The following SPOCK1 variants were observed in gnomAD, a reference collection of about 807,000 sequenced individuals.
The protein encoded by SPOCK1 is testican-1.
Under a neutral mutation model 55.3 loss-of-function variants are expected in SPOCK1, and 23 were observed. The ratio of observed to expected loss-of-function variants is 0.42; its 90% CI spans 0.30 to 0.59. The LOEUF is 0.59. Among genes scored for constraint, SPOCK1 ranks in the 20% least tolerant of loss-of-function variants. The pLI, the probability that SPOCK1 is intolerant of heterozygous loss-of-function variation, is 0.22. For synonymous variants in SPOCK1, 226 were observed against 221.0 expected (o/e 1.02, Z -0.20); for missense variants, 499 against 552.5 (o/e 0.90, Z 0.97).
chr5:137,259,688 T>TA (rs61576266), intron 3 of SPOCK1, among the ~76,000 whole-genome samples: 76,344 of 130,016 alleles, frequency 0.59, 21,671 homozygotes, highest in Non-Finnish European at 0.63. Flanking sequence ...CACATGAAAG[T>TA]AAAAAAAAAA....
intron 2 of SPOCK1, among the ~76,000 whole-genome samples, chr5:137,300,690 A>G (rs1757572263): frequency 1.3e-5 from 1 of 74,846 alleles, no homozygotes; most frequent in Non-Finnish European, 2.7e-5. Flanking sequence ...TAGAGTTTAC[A>G]ATGATTTTAG....
intron 8 of SPOCK1, 93 bp from the exon 9 acceptor site, chr5:136,985,295 A>C: frequency 1.7e-6 from 2 of 1,195,362 alleles, no homozygotes; most frequent in Non-Finnish European, 2.5e-6. Flanking sequence ...GTAGACAATG[A>C]CACACCTGGG....
At chr5:137,191,314 G>A (rs1755173766) in intron 3 of SPOCK1, among the ~76,000 whole-genome samples, 1 of 152,040 alleles carries the variant, frequency 6.6e-6, no homozygotes, top group Admixed American at 6.5e-5. Flanking sequence ...TAGTTAATAT[G>A]TATCTAACTA....
chr5:137,435,334 C>A (rs779476316), intron 2 of SPOCK1, among the ~76,000 whole-genome samples: 5 of 152,192 alleles, frequency 3.3e-5, no homozygotes, highest in Non-Finnish European at 2.9e-5. Context: ...ATAAGACCTG[C>A]CAAATTGATT....
At chr5:137,478,069 C>T (rs1215135501) in intron 2 of SPOCK1, among the ~76,000 whole-genome samples, 1 of 152,084 alleles carries the variant, frequency 6.6e-6, no homozygotes, top group East Asian at 1.9e-4. Flanking sequence ...TCAGGTTCCT[C>T]AGGTATATAA....
intron 2 of SPOCK1, among the ~76,000 whole-genome samples, chr5:137,285,875 A>G (rs11743397): frequency 0.12 from 17,584 of 152,128 alleles, 1,303 homozygotes; most frequent in East Asian, 0.24. Context: ...AAGTCAGCAC[A>G]ATTGTTTTTT....
At chr5:137,326,700 T>C (rs1758083403) in intron 2 of SPOCK1, among the ~76,000 whole-genome samples, 1 of 152,332 alleles carries the variant, frequency 6.6e-6, no homozygotes, top group Non-Finnish European at 1.5e-5. Context: ...CAAGATCTTG[T>C]TAAACCTGCC....
chr5:137,498,515 C>A lies in SPOCK1; in HGVS notation c.44G>T (p.Cys15Phe). Residue 15 changes from cysteine (C) to phenylalanine (F), a missense_variant, in exon 2 of 11, where the codon TGC becomes TTC. Transcript: ENST00000394945. ...AVLAAAAAAW[C>F]FLQVESRHLD... Reference sequence around the variant, plus strand: ...GTGCCGGCTCTCGACTTGGAGGAAGCACCACGCCGCGGCGGCCGCCGCCAA... The same window carrying A: ...GTGCCGGCTCTCGACTTGGAGGAAGAACCACGCCGCGGCGGCCGCCGCCAA... The A allele has an allele frequency of 6.4e-7, 1 of 1,562,394 alleles. No individual in the cohort carries two copies.
chr5:137,118,844 G>A (rs139294307), intron 4 of SPOCK1, among the ~76,000 whole-genome samples: 6 of 152,102 alleles, frequency 3.9e-5, no homozygotes, highest in African/African-American at 9.7e-5. Context: ...AACTGTTTTC[G>A]CTCTGCATAT....
intron 3 of SPOCK1, among the ~76,000 whole-genome samples, chr5:137,253,866 C>G (rs1756586660): frequency 1.3e-5 from 2 of 152,200 alleles, no homozygotes; most frequent in Admixed American, 1.3e-4. Flanking sequence ...TTCAAATGTC[C>G]ACACACTGCA....
intron 3 of SPOCK1, among the ~76,000 whole-genome samples, chr5:137,168,375 T>G (rs1034011890): frequency 4.6e-5 from 7 of 151,856 alleles, no homozygotes; most frequent in African/African-American, 1.7e-4. Flanking sequence ...TTAAAAAGCT[T>G]CTGAACAGCA....
At chr5:137,491,308 C>G (rs1754171875) in intron 2 of SPOCK1, among the ~76,000 whole-genome samples, 1 of 152,194 alleles carries the variant, frequency 6.6e-6, no homozygotes, top group African/African-American at 2.4e-5. Context: ...GGTTGCATTT[C>G]CCTGCTGGGT....
intron 5 of SPOCK1, among the ~76,000 whole-genome samples, chr5:137,111,479 C>A (rs1032500424): frequency 6.6e-6 from 1 of 152,206 alleles, no homozygotes; most frequent in Non-Finnish European, 1.5e-5. Flanking sequence ...CGCACCCATA[C>A]ACTGGCTCCT....
chr5:136,992,221 C>T lies in SPOCK1; in HGVS notation c.706+263G>A, dbSNP rs184578548. ...CAAACTTTGTAATTATACACACACA[C>T]GCTGTTTCATATATGACACCAGAAA... On this transcript the variant is annotated intron_variant, in intron 7 of 10. Coordinates refer to ENST00000394945, the MANE Select transcript of SPOCK1 (RefSeq NM_004598.4). Among the ~76,000 whole-genome samples, 160 of 152,216 alleles carry T rather than the reference C, an allele frequency of 1.1e-3. 1 individual carries two copies. Among genetic ancestry groups the T allele is most frequent in the Non-Finnish European group, 1.5e-3 (103 of 68,018 alleles).
At chr5:137,155,674 A>G (rs1754403027) in intron 3 of SPOCK1, among the ~76,000 whole-genome samples, 1 of 152,234 alleles carries the variant, frequency 6.6e-6, no homozygotes, top group Non-Finnish European at 1.5e-5. Flanking sequence ...TGATCCTGAA[A>G]AAGCTAATGA....
At chr5:137,343,459 C>T (rs1195746662) in intron 2 of SPOCK1, among the ~76,000 whole-genome samples, 2 of 152,134 alleles carry the variant, frequency 1.3e-5, no homozygotes, top group African/African-American at 2.4e-5. Context: ...GGAAGAAGGG[C>T]CCCAAGAAGG....
chr5:137,386,679 G>A (rs180871117), intron 2 of SPOCK1, among the ~76,000 whole-genome samples: 4 of 152,264 alleles, frequency 2.6e-5, no homozygotes, highest in African/African-American at 9.6e-5. Flanking sequence ...ACAGACCTAT[G>A]TGTAAAATAC....
chr5:136,993,685 C>G (rs1406874125), intron 6 of SPOCK1, among the ~76,000 whole-genome samples: 1 of 152,174 alleles, frequency 6.6e-6, no homozygotes, highest in Non-Finnish European at 1.5e-5. Context: ...AAGGCACAGC[C>G]AAGTTCTGAA....
chr5:137,244,806 C>A (rs1356175937), intron 3 of SPOCK1, among the ~76,000 whole-genome samples: 1 of 152,220 alleles, frequency 6.6e-6, no homozygotes, highest in East Asian at 1.9e-4. Context: ...CCACCCGATG[C>A]TCTCTGCCAT....
Sources: gnomAD v4.1 joint callset for allele counts (sites outside exome capture counted in the v4.1 genomes callset) on GRCh38, gnomAD v4.1.1 for gene constraint, MANE v1.5 for transcripts, NCBI Gene and HGNC (gene_info 2026-07-23, HGNC 2026-07-21) for gene names.